The following SRGAP1 variants were observed in gnomAD, a reference collection of about 807,000 sequenced individuals.
SRGAP1 encodes SLIT-ROBO Rho GTPase activating protein 1, also known as SLIT-ROBO Rho GTPase-activating protein 1.
A neutral mutation model predicts 121.9 loss-of-function variants in SRGAP1; 43 were observed. That is an observed-to-expected ratio of 0.35 (90% CI 0.28 to 0.46). The LOEUF (loss-of-function observed/expected upper bound fraction) is 0.46. SRGAP1 is among the 20% of genes least tolerant of loss of function. The pLI is 1.00. For synonymous variants in SRGAP1, 447 were observed against 485.4 expected (o/e 0.92, Z 1.04); for missense variants, 1,102 against 1,350.9 (o/e 0.82, Z 2.89).
chr12:64,083,214 T>C (rs773989938), intron 10 of SRGAP1, among the ~76,000 whole-genome samples: 1 of 152,200 alleles, frequency 6.6e-6, no homozygotes, highest in Non-Finnish European at 1.5e-5. Flanking sequence ...ATAGGGTTAC[T>C]AATACAGGAT....
At chr12:64,104,309 T>C (rs572298372) in intron 15 of SRGAP1, among the ~76,000 whole-genome samples, 2 of 152,182 alleles carry the variant, frequency 1.3e-5, no homozygotes, top group Admixed American at 1.3e-4. Context: ...CCAGGGAGCT[T>C]TGAGCATGTG....
chr12:63,996,317 A>G (rs1003175690), intron 3 of SRGAP1, among the ~76,000 whole-genome samples: 8 of 152,074 alleles, frequency 5.3e-5, no homozygotes, highest in African/African-American at 1.7e-4. Context: ...CCATTTTCAT[A>G]TAGAATATTA....
At chr12:63,891,390 C>T (rs1024703104) in intron 1 of SRGAP1, among the ~76,000 whole-genome samples, 11 of 152,206 alleles carry the variant, frequency 7.2e-5, no homozygotes, top group African/African-American at 2.4e-4. Flanking sequence ...ACCATGCATT[C>T]ATTAGTTCAG....
intron 1 of SRGAP1, among the ~76,000 whole-genome samples, chr12:63,913,207 T>C (rs1414847702): frequency 7.2e-6 from 1 of 138,224 alleles, no homozygotes; most frequent in Non-Finnish European, 1.6e-5. Flanking sequence ...TTTTTTTTTT[T>C]TTTTTTTTTT....
chr12:64,011,019 G>A (rs1261700224), intron 3 of SRGAP1, among the ~76,000 whole-genome samples: 1 of 151,868 alleles, frequency 6.6e-6, no homozygotes, highest in Non-Finnish European at 1.5e-5. Flanking sequence ...ATGTAGGATT[G>A]TACCAGCCAA....
chr12:64,076,702 A>C lies in SRGAP1; in HGVS notation c.1126-2217A>C, dbSNP rs187602356. 1.7e-3 allele frequency among the ~76,000 whole-genome samples: 260 copies of C among 152,172 alleles called. 4 individuals are homozygous for C. Among genetic ancestry groups the C allele is most frequent in the Admixed American group, 0.014 (210 of 15,280 alleles). On this transcript the variant is annotated intron_variant, in intron 8 of 21. Transcript: ENST00000355086. ...CACTTTTTCGCCCAGGCTGGAGTGC[A>C]GTGGCACGATCTCAGCTCACTGCAC... is the stretch of plus-strand genomic sequence containing the variant.
rs146634978 is a variant in SRGAP1, at chr12:64,102,583, C to T, written c.1813+5208C>T. Among the ~76,000 whole-genome samples the T allele has an allele frequency of 4.5e-3, 679 of 152,288 alleles. 5 individuals are homozygous for T. The highest frequency in any genetic ancestry group is 6.5e-3 in the Non-Finnish European group (443 of 68,026). The stretch of plus-strand genomic sequence containing the variant: ...CCCCGTTTACTCATAACCACCACCA[C>T]CCCCGGCCCTAGGCAATCACTAATC... On this transcript the variant is annotated intron_variant, in intron 15 of 21. Coordinates refer to ENST00000355086, the MANE Select transcript of SRGAP1 (RefSeq NM_020762.4).
intron 1 of SRGAP1, among the ~76,000 whole-genome samples, chr12:63,866,572 A>G (rs1899640172): frequency 6.6e-6 from 1 of 152,216 alleles, no homozygotes; most frequent in Non-Finnish European, 1.5e-5. Flanking sequence ...TCAGACAGCA[A>G]ATTTCAACAA....
chr12:63,942,084 C>T (rs2031887270), intron 1 of SRGAP1, among the ~76,000 whole-genome samples: 1 of 152,284 alleles, frequency 6.6e-6, no homozygotes, highest in Non-Finnish European at 1.5e-5. Flanking sequence ...TATGATCCCT[C>T]TATCAATTCT....
intron 4 of SRGAP1, among the ~76,000 whole-genome samples, chr12:64,037,617 T>A (rs2034928439): frequency 6.6e-6 from 1 of 152,242 alleles, no homozygotes; most frequent in Non-Finnish European, 1.5e-5. Context: ...CCCAACCATC[T>A]ACTTTCCAAG....
intron 1 of SRGAP1, among the ~76,000 whole-genome samples, chr12:63,881,568 G>A (rs1156512104): frequency 6.6e-6 from 1 of 152,162 alleles, no homozygotes; most frequent in African/African-American, 2.4e-5. Context: ...CTGTAAAATG[G>A]AAGTAATAAT....
chr12:64,141,616 T>G (rs561068180), intron 21 of SRGAP1, among the ~76,000 whole-genome samples: 1 of 151,942 alleles, frequency 6.6e-6, no homozygotes, highest in Admixed American at 6.6e-5. Flanking sequence ...TTTTCAAAAG[T>G]TTTCATAAAC....
intron 4 of SRGAP1, among the ~76,000 whole-genome samples, chr12:64,023,356 CAAAAT>C (rs2034591298): frequency 6.6e-6 from 1 of 151,808 alleles, no homozygotes; most frequent in Admixed American, 6.6e-5. Flanking sequence ...ACATTCAAAA[CAAAAT>C]GTGCCTTCAT....
In SRGAP1 at chr12:64,058,793, T is replaced by C. The variant is rs577172468; in HGVS notation, c.802-4124T>C. 2.2e-5 allele frequency among the ~76,000 whole-genome samples: 3 copies of C among 137,886 alleles called. No individual in the cohort carries two copies. In the South Asian group the frequency reaches 7.4e-4, roughly 34 times the overall value. 90.5% of individuals were successfully genotyped at this position (137,886 alleles called of 152,430 possible). On this transcript the variant is annotated intron_variant, in intron 6 of 21. Coordinates refer to ENST00000355086, the MANE Select transcript of SRGAP1 (RefSeq NM_020762.4). ...GTATCTTGAATCTTAACAGATCCAGTGTCATTTCAGTTTCTAGTTTAGAAA... is the reference window on the plus strand; with the variant it reads ...GTATCTTGAATCTTAACAGATCCAGCGTCATTTCAGTTTCTAGTTTAGAAA...
At chr12:64,106,979 A>C (rs532916318) in intron 15 of SRGAP1, among the ~76,000 whole-genome samples, 1 of 152,334 alleles carries the variant, frequency 6.6e-6, no homozygotes, top group Admixed American at 6.5e-5. Flanking sequence ...ATTGCATGAT[A>C]ATGTTTTACT....
intron 1 of SRGAP1, among the ~76,000 whole-genome samples, chr12:63,936,785 G>T (rs1592960987): frequency 1.3e-5 from 2 of 152,132 alleles, no homozygotes; most frequent in South Asian, 4.1e-4. Context: ...TTGCTAACTT[G>T]TTCATATCCA....
chr12:63,960,799 G>C lies in SRGAP1; in HGVS notation c.68-23148G>C, dbSNP rs1030717424. ...AAGGTGATGATGTGACATTGAAGCA[G>C]AGATTGGGGTGTGCTTTCAGTCCAG... is the stretch of plus-strand genomic sequence containing the variant. On this transcript the variant is annotated intron_variant, in intron 1 of 21. Coordinates refer to ENST00000355086, the MANE Select transcript of SRGAP1 (RefSeq NM_020762.4). Among the ~76,000 whole-genome samples, 3 of 152,188 alleles carry C rather than the reference G, an allele frequency of 2.0e-5. No homozygotes were observed. The South Asian group carries it at 6.2e-4, about 31-fold the overall frequency.
At chr12:63,913,653 A>G (rs897373093) in intron 1 of SRGAP1, among the ~76,000 whole-genome samples, 2 of 151,240 alleles carry the variant, frequency 1.3e-5, no homozygotes, top group African/African-American at 2.4e-5. Flanking sequence ...CTCCTATGTG[A>G]CAGCAGCATA....
chr12:63,910,656 A>G (rs1474937021), intron 1 of SRGAP1, among the ~76,000 whole-genome samples: 1 of 152,222 alleles, frequency 6.6e-6, no homozygotes, highest in East Asian at 1.9e-4. Flanking sequence ...AGTAATATCT[A>G]TAAGACATGG....
Sources: gnomAD v4.1 joint callset for allele counts (sites outside exome capture counted in the v4.1 genomes callset) on GRCh38, gnomAD v4.1.1 for gene constraint, MANE v1.5 for transcripts, NCBI Gene and HGNC (gene_info 2026-07-23, HGNC 2026-07-21) for gene names.